The following SLC4A4 variants were observed in gnomAD, a reference collection of about 807,000 sequenced individuals.
SLC4A4 encodes the protein solute carrier family 4 member 4, also known as electrogenic sodium bicarbonate cotransporter 1.
A neutral mutation model predicts 111.5 loss-of-function variants in SLC4A4; 27 were observed. That is an observed-to-expected ratio of 0.24 (90% CI 0.18 to 0.33). The LOEUF is 0.33. Ranked by LOEUF, SLC4A4 falls within the 10% of genes least tolerant of loss-of-function variation. The pLI is 1.00. For synonymous variants in SLC4A4, 443 were observed against 463.4 expected (o/e 0.96, Z 0.57); for missense variants, 909 against 1,315.5 (o/e 0.69, Z 4.78).
chr4:71,469,603 T>TA (rs1727686375), intron 13 of SLC4A4, among the ~76,000 whole-genome samples: 1 of 152,012 alleles, frequency 6.6e-6, no homozygotes, highest in Non-Finnish European at 1.5e-5. Context: ...TGTTGCTTTT[T>TA]AAAACTTAAT....
intron 16 of SLC4A4, among the ~76,000 whole-genome samples, chr4:71,498,708 G>A (rs1046436521): frequency 3.3e-4 from 50 of 152,144 alleles, no homozygotes; most frequent in African/African-American, 1.2e-3. Context: ...CCCAAGGAAT[G>A]AAAAATTTCC....
chr4:71,365,688 C>G (rs1560444553), intron 6 of SLC4A4, among the ~76,000 whole-genome samples: 1 of 152,208 alleles, frequency 6.6e-6, no homozygotes, highest in East Asian at 1.9e-4. Context: ...TTAAAGTAGG[C>G]CAGGATTTCT....
intron 3 of SLC4A4, among the ~76,000 whole-genome samples, chr4:71,287,285 AAAATG>A (rs1723990796): frequency 6.6e-6 from 1 of 152,248 alleles, no homozygotes. Flanking sequence ...TATAAAAATT[AAAATG>A]AAATGAAATA....
At chr4:71,423,807 G>A (rs535407054) in intron 7 of SLC4A4, among the ~76,000 whole-genome samples, 23 of 152,296 alleles carry the variant, frequency 1.5e-4, no homozygotes, top group African/African-American at 5.1e-4. Context: ...GCTGAAATTG[G>A]CTCCCTTCCT....
At chr4:71,431,696 C>T (rs189890533) in intron 7 of SLC4A4, among the ~76,000 whole-genome samples, 1 of 151,922 alleles carries the variant, frequency 6.6e-6, no homozygotes, top group East Asian at 1.9e-4. Context: ...ATTGGTTTCT[C>T]TTAGCTATTG....
At position 71,570,789 on chromosome 4, in the gene SLC4A4, G is replaced by C. The variant is rs1042351582; in HGVS notation, c.*3038G>C. 1 of 151,760 alleles carries C rather than the reference G, an allele frequency of 6.6e-6. No homozygotes were observed. The highest frequency in any genetic ancestry group is 2.4e-5 in the African/African-American group (1 of 41,374). The allele number at this position is 151,760 out of a possible 1,614,324, so 9.4% of individuals were successfully genotyped here. On this transcript the variant is annotated 3_prime_UTR_variant, in exon 26 of 26. Coordinates refer to ENST00000264485, the MANE Select transcript of SLC4A4 (RefSeq NM_001098484.3). The stretch of plus-strand genomic sequence containing the variant: ...TTGTGTTTGGGAGAAAAGTATCTTG[G>C]ACGCACTGTTTTCCTTGATAAAAGT...
intron 16 of SLC4A4, among the ~76,000 whole-genome samples, chr4:71,502,854 A>G (rs188605419): frequency 3.1e-3 from 467 of 152,272 alleles, no homozygotes; most frequent in Admixed American, 8.2e-3. Flanking sequence ...CATTTGATGT[A>G]TGGTGCAACT....
chr4:71,284,464 C>T (rs1723754077), intron 3 of SLC4A4, among the ~76,000 whole-genome samples: 1 of 152,118 alleles, frequency 6.6e-6, no homozygotes. Flanking sequence ...AGATTTTGAC[C>T]CTTTGGTCTT....
At chr4:71,210,648 G>A (rs1578600835) in intron 1 of SLC4A4, among the ~76,000 whole-genome samples, 1 of 152,168 alleles carries the variant, frequency 6.6e-6, no homozygotes, top group Admixed American at 6.5e-5. Context: ...TAAGGAGAAG[G>A]CTTTCTTCTT....
intron 3 of SLC4A4, among the ~76,000 whole-genome samples, chr4:71,269,035 G>A (rs1379332245): frequency 2.6e-5 from 4 of 152,132 alleles, no homozygotes; most frequent in Non-Finnish European, 4.4e-5. Context: ...ATTTGCCTGG[G>A]GTCACACATG....
intron 12 of SLC4A4, among the ~76,000 whole-genome samples, chr4:71,458,697 A>ATATC (rs950115191): frequency 2.8e-4 from 43 of 152,216 alleles, no homozygotes; most frequent in African/African-American, 1.0e-3. Context: ...AGTTGGAACT[A>ATATC]TATCATTTCT....
rs115333591 is a variant in SLC4A4 at position 71,400,269 on chromosome 4, G to T, written c.807+2616G>T. ...ATCTGGGCATATGCAGAAGAAATCT[G>T]ATGGCTTAAGATGCATATTACATAA... is the stretch of plus-strand genomic sequence containing the variant. On this transcript the variant is annotated intron_variant, in intron 7 of 25. Transcript: ENST00000264485. Among the ~76,000 whole-genome samples the T allele has an allele frequency of 3.9e-3, 601 of 152,292 alleles. 3 individuals carry two copies. The highest frequency in any genetic ancestry group is 0.014 in the African/African-American group (573 of 41,558).
At chr4:71,508,272 C>A (rs575338761) in intron 16 of SLC4A4, among the ~76,000 whole-genome samples, 5 of 151,974 alleles carry the variant, frequency 3.3e-5, no homozygotes, top group African/African-American at 1.2e-4. Flanking sequence ...ATGAAAAACC[C>A]TTCAAAAGAT....
At chr4:71,455,323 A>G (rs1726136901) in intron 12 of SLC4A4, among the ~76,000 whole-genome samples, 2 of 152,196 alleles carry the variant, frequency 1.3e-5, no homozygotes. Context: ...GATGAAATAG[A>G]CAGAGCATGT....
At chr4:71,176,878 C>G (rs1474545595) in intron 2 of SLC4A4, among the ~76,000 whole-genome samples, 3 of 152,080 alleles carry the variant, frequency 2.0e-5, no homozygotes, top group Non-Finnish European at 4.4e-5. Flanking sequence ...ACATAATTGT[C>G]AGATTCACCA....
In SLC4A4 at chr4:71,322,396, T is replaced by G. The variant is rs913082969; in HGVS notation, c.254-16974T>G. Among the ~76,000 whole-genome samples the G allele has an allele frequency of 6.6e-5, 10 of 152,110 alleles. 1 individual carries two copies. The highest frequency in any genetic ancestry group is 1.2e-4 in the Non-Finnish European group (8 of 67,936). ...AGGAAGGAGAATGTCTTCTTTTGTA[T>G]GTGAAAGCATCCAATGGCAGCATTA... On this transcript the variant is annotated intron_variant, in intron 3 of 25. Transcript: ENST00000264485.
chr4:71,178,160 T>A (rs1214569186), intron 2 of SLC4A4, among the ~76,000 whole-genome samples: 1 of 151,800 alleles, frequency 6.6e-6, no homozygotes, highest in African/African-American at 2.4e-5. Context: ...TACCAGAATC[T>A]CTGGGACACA....
chr4:71,437,126 C>A, intron 7 of SLC4A4: 1 of 463,930 alleles, frequency 2.2e-6, no homozygotes. Context: ...TTATCAGTTC[C>A]TATATCTGAG....
chr4:71,185,405 G>A (rs1342379102), upstream of SLC4A4, among the ~76,000 whole-genome samples: 1 of 152,192 alleles, frequency 6.6e-6, no homozygotes, highest in Non-Finnish European at 1.5e-5. Context: ...CCTAGAAACA[G>A]AACATAATCA....
Sources: allele counts gnomAD v4.1 joint callset (sites outside exome capture counted in the v4.1 genomes callset), GRCh38; gene constraint gnomAD v4.1.1; transcripts MANE v1.5; gene names NCBI Gene and HGNC (gene_info 2026-07-23, HGNC 2026-07-21).